Variants in CATSPERD observed in about 807,000 individuals in gnomAD.
The protein encoded by CATSPERD is catsper channel auxiliary subunit delta.
CATSPERD carries 86 observed loss-of-function variants against 98.1 expected under a neutral mutation model. The ratio of observed to expected loss-of-function variants is 0.88; its 90% CI spans 0.74 to 1.05. The LOEUF is 1.05. Among genes scored for constraint, CATSPERD ranks in the 50% least tolerant of loss-of-function variants. CATSPERD has a pLI of 0.00. For synonymous variants in CATSPERD, 394 were observed against 390.2 expected (o/e 1.01, Z -0.12); for missense variants, 995 against 1,005.7 (o/e 0.99, Z 0.14).
chr19:5,745,567 G>A (rs1371841892), intron 8 of CATSPERD, among the ~76,000 whole-genome samples: 1 of 152,086 alleles, frequency 6.6e-6, no homozygotes, highest in Non-Finnish European at 1.5e-5. Flanking sequence ...GTGGCAGTGA[G>A]CCGAGATCGT....
chr19:5,734,502 G>T (rs913952785), intron 5 of CATSPERD, among the ~76,000 whole-genome samples: 2 of 152,208 alleles, frequency 1.3e-5, no homozygotes, highest in Non-Finnish European at 2.9e-5. Context: ...GCTGGGCGTG[G>T]TGGTGCATGC....
chr19:5,751,306 C>T (rs1599555132), intron 11 of CATSPERD, among the ~76,000 whole-genome samples: 1 of 146,052 alleles, frequency 6.8e-6, no homozygotes, highest in Admixed American at 7.0e-5. Flanking sequence ...GGGCGGATCA[C>T]GAGGTCAGGA....
chr19:5,749,209 G>A (rs988319574), intron 11 of CATSPERD, 26 bp downstream of exon 11: 1 of 1,570,682 alleles, frequency 6.4e-7, no homozygotes, highest in African/African-American at 1.4e-5. Context: ...GTGGGGTTAT[G>A]GGCTGGGCAC....
intron 1 of CATSPERD, among the ~76,000 whole-genome samples, chr19:5,722,527 A>G (rs767515246): frequency 6.6e-5 from 10 of 152,210 alleles, no homozygotes; most frequent in Admixed American, 1.3e-4. Context: ...AGTGAAATTT[A>G]CTAATAGGAT....
chr19:5,765,582 C>A (rs558081174), intron 16 of CATSPERD, among the ~76,000 whole-genome samples: 6 of 151,852 alleles, frequency 4.0e-5, no homozygotes, highest in Admixed American at 1.3e-4. Flanking sequence ...GAGGCCCAGG[C>A]GGGTGGATCA....
In CATSPERD at chr19:5,746,551, C is replaced by T. The variant is rs528462136; in HGVS notation, c.808+488C>T. ...TCACACCATTCTCTGGCTTCAGCCT[C>T]CCTAGTAGCTGGGACTACAGGCGCC... On this transcript the variant is annotated intron_variant, in intron 9 of 21. Transcript: ENST00000381624. Among the ~76,000 whole-genome samples, 46 of 152,210 alleles carry T rather than the reference C, an allele frequency of 3.0e-4. 1 individual carries two copies. In the South Asian group the frequency reaches 8.7e-3, roughly 29 times the overall value.
At chr19:5,737,269 T>C (rs2055866708) in intron 6 of CATSPERD, 64 bp downstream of exon 6, 1 of 1,150,418 alleles carries the variant, frequency 8.7e-7, no homozygotes. Flanking sequence ...TAATCATGAG[T>C]AGACATAAAG....
intron 20 of CATSPERD, among the ~76,000 whole-genome samples, chr19:5,774,979 T>C (rs1194938676): frequency 6.6e-6 from 1 of 152,156 alleles, no homozygotes; most frequent in African/African-American, 2.4e-5. Context: ...ATGACACCAC[T>C]GCACTCCAGC....
intron 7 of CATSPERD, 48 bp downstream of exon 7, chr19:5,739,487 G>A (rs2055914466): frequency 3.7e-6 from 4 of 1,074,512 alleles, no homozygotes; most frequent in Non-Finnish European, 5.6e-6. Context: ...TATGTACCTT[G>A]TGATTGTAGT....
At chr19:5,723,378 A>G (rs576044070) in intron 1 of CATSPERD, among the ~76,000 whole-genome samples, 69 of 149,480 alleles carry the variant, frequency 4.6e-4, no homozygotes, top group African/African-American at 1.5e-3. Context: ...TCTGCCTCCA[A>G]GGTTCAAGCG....
At chr19:5,763,001 AATGCGTAGATGG>A (rs1474319082) in intron 15 of CATSPERD, among the ~76,000 whole-genome samples, 2 of 147,524 alleles carry the variant, frequency 1.4e-5, no homozygotes, top group African/African-American at 2.5e-5. Context: ...TGGATGGATA[AATGCGTAGATGG>A]ATGAGTGGAT....
chr19:5,728,038 CA>C (rs56411287), intron 3 of CATSPERD, among the ~76,000 whole-genome samples: 59,709 of 128,046 alleles, frequency 0.47, 13,476 homozygotes, highest in East Asian at 0.77. Context: ...CCAGTATCTA[CA>C]AAAAAAAAAA....
At chr19:5,777,991 T>A (rs964462319) in intron 21 of CATSPERD, among the ~76,000 whole-genome samples, 6 of 151,720 alleles carry the variant, frequency 4.0e-5, no homozygotes, top group Admixed American at 2.6e-4. Flanking sequence ...GGCGGATCAC[T>A]TGAGGTCAGG....
At chr19:5,739,510 TG>T in intron 7 of CATSPERD, 71 bp downstream of exon 7, 1 of 891,378 alleles carries the variant, frequency 1.1e-6, no homozygotes, top group Non-Finnish European at 1.8e-6. Context: ...TTGCTGTCAA[TG>T]GGTGCGTGAG....
intron 2 of CATSPERD, 23 bp downstream of exon 2, chr19:5,724,885 T>G (rs773839839): frequency 4.3e-6 from 7 of 1,611,928 alleles, no homozygotes; most frequent in Non-Finnish European, 5.9e-6. Flanking sequence ...ATGCTTAAAT[T>G]CATCCTTCAC....
intron 17 of CATSPERD, among the ~76,000 whole-genome samples, chr19:5,767,074 T>A (rs935043122): frequency 1.3e-5 from 2 of 150,410 alleles, no homozygotes; most frequent in Admixed American, 1.3e-4. Flanking sequence ...TCCCAGCACT[T>A]TGGGAGGCCG....
chr19:5,759,261 G>A (rs940261332), intron 15 of CATSPERD, 117 bp downstream of exon 15: 19 of 967,956 alleles, frequency 2.0e-5, no homozygotes, highest in Admixed American at 1.2e-4. Context: ...AAAACAAGGC[G>A]ATTACAACAC....
At chr19:5,766,287 C>CT in intron 17 of CATSPERD, 132 bp downstream of exon 17, 36 of 232,010 alleles carry the variant, frequency 1.6e-4, no homozygotes, top group Admixed American at 2.1e-4. Context: ...CCCGTCTCTA[C>CT]TGAAAAAAAA....
At chr19:5,762,261 G>A (rs74174343) in intron 15 of CATSPERD, among the ~76,000 whole-genome samples, 2 of 142,398 alleles carry the variant, frequency 1.4e-5, no homozygotes, top group South Asian at 2.3e-4. Flanking sequence ...ACAGGGTTTC[G>A]CCATGTTGGC....
Sources: allele counts gnomAD v4.1 joint callset (sites outside exome capture counted in the v4.1 genomes callset), GRCh38; gene constraint gnomAD v4.1.1; transcripts MANE v1.5; gene names NCBI Gene and HGNC (gene_info 2026-07-23, HGNC 2026-07-21).